Variants in CTIF observed in about 807,000 individuals in gnomAD.
CTIF encodes cap binding complex dependent translation initiation factor.
Under a neutral mutation model 66.0 loss-of-function variants are expected in CTIF, and 21 were observed. That is an observed-to-expected ratio of 0.32 (90% confidence interval 0.23 to 0.46). The LOEUF is 0.46. CTIF is among the 20% of genes least tolerant of loss of function. The pLI is 1.00. For synonymous variants in CTIF, 345 were observed against 326.4 expected, an observed-to-expected ratio of 1.06 and a Z score of -0.62; for missense variants, 739 against 812.7, an observed-to-expected ratio of 0.91 and a Z score of 1.10.
chr18:48,779,301 G>C (rs1209649303), intron 9 of CTIF, among the ~76,000 whole-genome samples: 1 of 152,176 alleles, frequency 6.6e-6, no homozygotes, highest in Non-Finnish European at 1.5e-5. Flanking sequence ...ACCTTTGTGG[G>C]TGGGGGTTAA....
chr18:48,686,633 T>C (rs1480523199), intron 6 of CTIF, among the ~76,000 whole-genome samples: 3 of 152,218 alleles, frequency 2.0e-5, no homozygotes, highest in Non-Finnish European at 2.9e-5. Flanking sequence ...TTGAATCTTT[T>C]GCCTGGTGGT....
Position 48,581,040 on chromosome 18 carries a change from G to A in CTIF, c.-28-38498G>A, listed in dbSNP as rs965671781. Among the ~76,000 whole-genome samples, 5 of 152,220 alleles carry A rather than the reference G, an allele frequency of 3.3e-5. No individual in the cohort carries two copies. The East Asian group carries it at 9.6e-4, about 29-fold the overall frequency. ...CTGTCTTCTCTCCATTTAGCAATGC[G>A]ATGCCACAATTTTGCTGTGCCATTA... On this transcript the variant is annotated intron_variant, in intron 1 of 11. Coordinates refer to ENST00000256413, the MANE Select transcript of CTIF (RefSeq NM_014772.3).
chr18:48,671,785 C>G (rs1197826966), intron 6 of CTIF, among the ~76,000 whole-genome samples: 3 of 150,982 alleles, frequency 2.0e-5, no homozygotes, highest in Non-Finnish European at 2.9e-5. Context: ...TTTCCCATGG[C>G]TCACCAAAGC....
At chr18:48,582,722 G>A (rs1298395161) in intron 1 of CTIF, among the ~76,000 whole-genome samples, 1 of 152,138 alleles carries the variant, frequency 6.6e-6, no homozygotes, top group African/African-American at 2.4e-5. Context: ...TAGAGCTGCT[G>A]CTCTGCGCTA....
At chr18:48,842,075 A>AG (rs1290202354) in intron 10 of CTIF, among the ~76,000 whole-genome samples, 1 of 150,782 alleles carries the variant, frequency 6.6e-6, no homozygotes, top group Non-Finnish European at 1.5e-5. Context: ...TGGTCCTGCC[A>AG]GGGGGTGGGA....
intron 6 of CTIF, among the ~76,000 whole-genome samples, chr18:48,702,620 G>A (rs2092098642): frequency 6.6e-6 from 1 of 152,106 alleles, no homozygotes; most frequent in South Asian, 2.1e-4. Context: ...GAAATTCCAT[G>A]TTTACTTTTA....
intron 1 of CTIF, among the ~76,000 whole-genome samples, chr18:48,615,924 A>G: frequency 6.6e-6 from 1 of 152,202 alleles, no homozygotes; most frequent in East Asian, 1.9e-4. Flanking sequence ...GGGGCACCAA[A>G]AGGCTGCAGG....
At chr18:48,822,081 T>C (rs915564907) in intron 10 of CTIF, among the ~76,000 whole-genome samples, 7 of 152,264 alleles carry the variant, frequency 4.6e-5, no homozygotes, top group African/African-American at 1.7e-4. Context: ...CAGTATTCGT[T>C]CTTCTGTGAC....
intron 2 of CTIF, among the ~76,000 whole-genome samples, chr18:48,636,411 C>T (rs535921139): frequency 1.4e-4 from 22 of 152,308 alleles, no homozygotes; most frequent in Non-Finnish European, 2.2e-4. Flanking sequence ...CTCCCCCAAG[C>T]GGACACCAAA....
At chr18:48,804,061 T>C (rs2068096473) in intron 9 of CTIF, among the ~76,000 whole-genome samples, 1 of 152,134 alleles carries the variant, frequency 6.6e-6, no homozygotes, top group Non-Finnish European at 1.5e-5. Flanking sequence ...TTTCTGTCAC[T>C]GGCATCCAAG....
Position 48,711,607 on chromosome 18 carries a change from C to T in CTIF, c.508-12C>T. On this transcript the variant is annotated splice_polypyrimidine_tract_variant and intron_variant, in intron 6 of 11. Coordinates refer to ENST00000256413, the MANE Select transcript of CTIF (RefSeq NM_014772.3). ...GTTACTAATGATCCCCCTTCCTCCC[C>T]CCATGACACAGGGCTACCACCCGAT... 9 of 1,612,774 alleles carry T rather than the reference C, an allele frequency of 5.6e-6. No individual in the cohort carries two copies. Among genetic ancestry groups the T allele is most frequent in the Non-Finnish European group, 7.6e-6 (9 of 1,178,852 alleles).
At chr18:48,740,527 G>A (rs2145739669) in intron 7 of CTIF, among the ~76,000 whole-genome samples, 1 of 152,378 alleles carries the variant, frequency 6.6e-6, no homozygotes, top group South Asian at 2.1e-4. Context: ...GCAAGTCCCA[G>A]ATCTGCTCTT....
Position 48,757,989 on chromosome 18 carries a change from C to A in CTIF, c.655C>A (p.His219Asn). The A allele has an allele frequency of 2.5e-6, 4 of 1,614,032 alleles. No individual in the cohort carries two copies. Among genetic ancestry groups the A allele is most frequent in the East Asian group, 2.2e-5 (1 of 44,874 alleles). Residue 219 changes from histidine to asparagine, a missense_variant, in exon 8 of 12, where the codon CAC becomes AAC. Physicochemically the swap from His to Asn is moderately conservative, Grantham distance 68 (BLOSUM62 1). Transcript: ENST00000256413. ...TGACCACCAGCCAGGCAGTGCCAAA[C>A]ACAACAGGGACCACCAGAAATCCTA... ...HGDHQPGSAK[H>N]NRDHQKSYQG... is the part of the protein sequence containing the mutation.
At chr18:48,692,466 C>T (rs1201694562) in intron 6 of CTIF, 1 of 152,170 alleles carries the variant, frequency 6.6e-6, no homozygotes. Flanking sequence ...ATCTCTCTCA[C>T]TTCCCCCTCT....
At chr18:48,729,544 T>C (rs2092418491) in intron 7 of CTIF, among the ~76,000 whole-genome samples, 1 of 152,122 alleles carries the variant, frequency 6.6e-6, no homozygotes, top group Admixed American at 6.5e-5. Context: ...GGCGTCCCCA[T>C]GAGAAGAGTG....
Position 48,859,897 on chromosome 18 carries a change from G to A in CTIF, c.*338G>A, listed in dbSNP as rs549654300. On this transcript the variant is annotated 3_prime_UTR_variant, in exon 12 of 12. Transcript: ENST00000256413. ...GGAGCTTTGTGTGAGGGATCTCATC[G>A]CTGTGACTCCTCGGAGACCTTGGCA... 493 of 525,412 alleles carry A rather than the reference G, an allele frequency of 9.4e-4. No individual in the cohort carries two copies. Among genetic ancestry groups the A allele is most frequent in the Non-Finnish European group, 1.6e-3 (446 of 271,996 alleles). 32.5% of individuals were successfully genotyped at this position (525,412 alleles called of 1,614,324 possible).
At chr18:48,541,447 G>T (rs1428872312) in intron 1 of CTIF, among the ~76,000 whole-genome samples, 1 of 152,234 alleles carries the variant, frequency 6.6e-6, no homozygotes, top group Non-Finnish European at 1.5e-5. Flanking sequence ...AGGGGCCGCC[G>T]GCTGTCCGTT....
At chr18:48,787,325 A>G (rs1240723714) in intron 9 of CTIF, among the ~76,000 whole-genome samples, 1 of 152,150 alleles carries the variant, frequency 6.6e-6, no homozygotes, top group Non-Finnish European at 1.5e-5. Flanking sequence ...GAAGAAAGAA[A>G]GACAGAAAGA....
intron 9 of CTIF, among the ~76,000 whole-genome samples, chr18:48,771,465 G>A (rs1275901315): frequency 6.6e-6 from 1 of 152,180 alleles, no homozygotes; most frequent in Admixed American, 6.5e-5. Context: ...TCTCGCTTCT[G>A]GGCCAGGAGA....
Sources: allele counts gnomAD v4.1 joint callset (sites outside exome capture counted in the v4.1 genomes callset), GRCh38; gene constraint gnomAD v4.1.1; transcripts MANE v1.5; gene names NCBI Gene and HGNC (gene_info 2026-07-23, HGNC 2026-07-21).